L3HYPDH: variants seen among roughly 807,000 people sequenced by gnomAD.
L3HYPDH encodes trans-3-hydroxy-L-proline dehydratase.
Under a neutral mutation model 26.5 loss-of-function variants are expected in L3HYPDH, and 32 were observed. The ratio of observed to expected loss-of-function variants is 1.21; its 90% CI spans 0.91 to 1.62. L3HYPDH has a LOEUF of 1.62. Ranked by LOEUF, L3HYPDH falls within the 40% of genes most tolerant of loss-of-function variation. L3HYPDH has a pLI of 0.00. For synonymous variants in L3HYPDH, 215 were observed against 196.6 expected, an observed-to-expected ratio of 1.09 and a Z score of -0.78; for missense variants, 554 against 476.4, an observed-to-expected ratio of 1.16 and a Z score of -1.52.
downstream of L3HYPDH, among the ~76,000 whole-genome samples, chr14:59,468,957 C>A (rs1400958678): frequency 6.6e-6 from 1 of 152,118 alleles, no homozygotes; most frequent in Admixed American, 6.5e-5. Flanking sequence ...CACTGGTTCA[C>A]ATAAGCAATA....
chr14:59,493,044 C>T, the L3HYPDH span, among the ~76,000 whole-genome samples: 3,992 of 151,546 alleles, frequency 0.026, 166 homozygotes, highest in African/African-American at 0.089. Flanking sequence ...GTGATCCACC[C>T]GCCCCGGCCT....
the L3HYPDH span, chr14:59,498,987 A>C: frequency 0.57 from 229,430 of 404,060 alleles, 55,286 homozygotes; most frequent in African/African-American, 0.72. Flanking sequence ...AATTTTGGAG[A>C]TTTTTCCTTA....
At chr14:59,486,637 A>G (rs1253108), upstream of L3HYPDH, 5,347 of 1,002,716 alleles carry the variant, frequency 5.3e-3, 163 homozygotes, top group African/African-American at 0.074. Flanking sequence ...ATTTTTGCCA[A>G]ATGCTTCAGC....
chr14:59,473,919 CACAG>C (rs557527074), intron 4 of L3HYPDH, among the ~76,000 whole-genome samples: 185 of 152,218 alleles, frequency 1.2e-3, no homozygotes, highest in Middle Eastern at 6.8e-3. Context: ...GACGGGCCCA[CACAG>C]ACAGGGAGAG....
the L3HYPDH span, among the ~76,000 whole-genome samples, chr14:59,490,164 C>G: frequency 6.6e-6 from 1 of 152,136 alleles, no homozygotes; most frequent in East Asian, 1.9e-4. Flanking sequence ...GCAAGCAGTC[C>G]TCCTGCCTCA....
At chr14:59,498,993 C>T in the L3HYPDH span, 20 of 457,218 alleles carry the variant, frequency 4.4e-5, no homozygotes, top group Admixed American at 8.0e-4. Context: ...GGAGATTTTT[C>T]CTTAAGATAG....
chr14:59,495,018 T>A, the L3HYPDH span: 1 of 1,612,380 alleles, frequency 6.2e-7, no homozygotes, highest in South Asian at 1.1e-5. Flanking sequence ...CCTTCTCTAG[T>A]TCCAGCGCAC....
At chr14:59,482,555 T>A (rs1414079395) in intron 1 of L3HYPDH, among the ~76,000 whole-genome samples, 1 of 152,212 alleles carries the variant, frequency 6.6e-6, no homozygotes, top group Non-Finnish European at 1.5e-5. Context: ...CTAGTTAAAC[T>A]GTTGAGGTTT....
chr14:59,490,333 A>G, the L3HYPDH span, among the ~76,000 whole-genome samples: 5 of 152,156 alleles, frequency 3.3e-5, no homozygotes, highest in African/African-American at 1.2e-4. Flanking sequence ...CCATGACCCA[A>G]ATACTTCCCA....
chr14:59,473,031 G>T lies in L3HYPDH; in HGVS notation c.999C>A (p.Tyr333Ter). ...VIVEVSGQAH[Y>*]TGTASFIIED... ...CTATTATAAAGCTTGCTGTACCCGT[G>T]TAATGGGCTTGTCCTGATACTTCCA... Residue 333 changes from tyrosine (Y) to a stop codon, truncating the protein, a stop_gained, in exon 5 of 5, where the codon TAC (tyrosine) becomes TAA (stop). Coordinates refer to ENST00000247194, the MANE Select transcript of L3HYPDH (RefSeq NM_144581.2). LOFTEE classifies it high-confidence loss of function. 3 of 1,608,968 alleles carry T rather than the reference G, an allele frequency of 1.9e-6. No homozygotes were observed. The highest frequency in any genetic ancestry group is 2.2e-5 in the South Asian group (2 of 90,222).
At chr14:59,502,762 T>TGTTTTGTTTTTTG in the L3HYPDH span, among the ~76,000 whole-genome samples, 1 of 133,616 alleles carries the variant, frequency 7.5e-6, no homozygotes, top group Non-Finnish European at 1.6e-5. Context: ...TTTTTTTTTT[T>TGTTTTGTTTTTTG]TTTTTTTTTT....
At chr14:59,482,712 A>T (rs1216625943) in intron 1 of L3HYPDH, among the ~76,000 whole-genome samples, 1 of 152,198 alleles carries the variant, frequency 6.6e-6, no homozygotes, top group African/African-American at 2.4e-5. Flanking sequence ...GGTTGCTCTA[A>T]AAGTGCCTGT....
chr14:59,469,507 A>T (rs1311071399), downstream of L3HYPDH, among the ~76,000 whole-genome samples: 1 of 144,052 alleles, frequency 6.9e-6, no homozygotes, highest in Admixed American at 7.2e-5. Context: ...GTGAGCCAAG[A>T]TCATGCCAAC....
chr14:59,487,743 T>A, upstream of L3HYPDH: 3 of 1,613,398 alleles, frequency 1.9e-6, no homozygotes, highest in Non-Finnish European at 2.5e-6. Context: ...TCCTGAACTT[T>A]ATGATTGGCT....
chr14:59,481,742 T>G (rs1431518600), intron 1 of L3HYPDH, among the ~76,000 whole-genome samples: 1 of 152,188 alleles, frequency 6.6e-6, no homozygotes, highest in African/African-American at 2.4e-5. Flanking sequence ...TCTAGAAAAT[T>G]GAAACATATC....
chr14:59,500,979 G>C, the L3HYPDH span: 3 of 480,054 alleles, frequency 6.2e-6, no homozygotes, highest in Non-Finnish European at 1.1e-5. Context: ...CTGGGTAATC[G>C]AGACAGAGAA....
chr14:59,484,663 G>A, upstream of L3HYPDH: 1 of 1,535,250 alleles, frequency 6.5e-7, no homozygotes, highest in Non-Finnish European at 8.8e-7. Flanking sequence ...GGCTGGCCTC[G>A]GGCTCGGCTC....
chr14:59,484,366 C>G lies in L3HYPDH; in HGVS notation c.-50G>C. The stretch of plus-strand genomic sequence containing the variant: ...CGGTCCCGCAGCTATGGCTTCAAGC[C>G]CGACCCTCACCCACTGACTCCGCGG... On this transcript the variant is annotated 5_prime_UTR_variant, in exon 1 of 5. Transcript: ENST00000247194. 6.6e-7 allele frequency: 1 copy of G among 1,523,474 alleles called. No homozygotes were observed. The highest frequency in any genetic ancestry group is 2.3e-5 in the East Asian group (1 of 44,190). 94.4% of individuals were successfully genotyped at this position (1,523,474 alleles called of 1,614,324 possible). A position where few individuals can be genotyped will look rare whatever the true frequency, so the allele number is the denominator to read the frequency against.
chr14:59,494,573 C>T, the L3HYPDH span, among the ~76,000 whole-genome samples: 1 of 152,278 alleles, frequency 6.6e-6, no homozygotes, highest in South Asian at 2.1e-4. Flanking sequence ...CAGTTTGGTA[C>T]ATGGTTGCCT....
Sources: allele counts gnomAD v4.1 joint callset (sites outside exome capture counted in the v4.1 genomes callset), GRCh38; gene constraint gnomAD v4.1.1; transcripts MANE v1.5; gene names NCBI Gene and HGNC (gene_info 2026-07-23, HGNC 2026-07-21).